The following HMG20A variants were observed in gnomAD, a reference collection of about 807,000 sequenced individuals.
HMG20A encodes the protein high mobility group 20A, also known as high mobility group protein 20A.
Under a neutral mutation model 43.9 loss-of-function variants are expected in HMG20A, and 17 were observed. That is an observed-to-expected ratio of 0.39 (90% CI 0.27 to 0.58). The LOEUF is 0.58. Among genes scored for constraint, HMG20A ranks in the 20% least tolerant of loss-of-function variants. The probability of loss-of-function intolerance (pLI) is 0.59; values close to 1 mark genes in which losing one functional copy is unlikely to be tolerated. For synonymous variants in HMG20A, 132 were observed against 147.5 expected (o/e 0.89, Z 0.76); for missense variants, 341 against 438.2 (o/e 0.78, Z 1.98).
At chr15:77,471,875 A>G in intron 6 of HMG20A, 61 bp downstream of exon 6, 1 of 940,016 alleles carries the variant, frequency 1.1e-6, no homozygotes, top group Admixed American at 2.7e-5. Context: ...GCTTTTTGAA[A>G]TGCTATTGGA....
At chr15:77,422,675 A>G (rs1244256047) in intron 1 of HMG20A, among the ~76,000 whole-genome samples, 2 of 152,186 alleles carry the variant, frequency 1.3e-5, no homozygotes, top group East Asian at 1.9e-4. Flanking sequence ...TATGTTTTAA[A>G]CCAAATATTA....
intron 1 of HMG20A, among the ~76,000 whole-genome samples, chr15:77,423,766 C>T (rs1337545455): frequency 6.6e-6 from 1 of 152,114 alleles, no homozygotes; most frequent in Non-Finnish European, 1.5e-5. Flanking sequence ...TGTTTTGCAA[C>T]TGTTGCTTTC....
the HMG20A span, among the ~76,000 whole-genome samples, chr15:77,496,204 G>A: frequency 6.6e-6 from 1 of 152,152 alleles, no homozygotes; most frequent in Non-Finnish European, 1.5e-5. Flanking sequence ...CCAGTTCATT[G>A]TGTTCTTGGA....
At chr15:77,446,087 A>G (rs551863643) in intron 1 of HMG20A, among the ~76,000 whole-genome samples, 3 of 152,260 alleles carry the variant, frequency 2.0e-5, no homozygotes, top group South Asian at 2.1e-4. Flanking sequence ...TCAAACGTGT[A>G]AGGACCCAGA....
chr15:77,423,823 C>T (rs773424143), intron 1 of HMG20A, among the ~76,000 whole-genome samples: 4 of 151,948 alleles, frequency 2.6e-5, no homozygotes, highest in Non-Finnish European at 5.9e-5. Context: ...TTGTTTTTGC[C>T]GTAGGGTTGA....
chr15:77,509,223 T>TTTCC, the HMG20A span, among the ~76,000 whole-genome samples: 25 of 152,070 alleles, frequency 1.6e-4, no homozygotes, highest in Admixed American at 2.6e-4. Flanking sequence ...GTCACCTTCA[T>TTTCC]TTCCTTCCTT....
intron 8 of HMG20A, among the ~76,000 whole-genome samples, chr15:77,478,853 G>A (rs2072881580): frequency 6.6e-6 from 1 of 152,084 alleles, no homozygotes. Flanking sequence ...AGTTGTTTTT[G>A]TTTTAACGGG....
chr15:77,437,673 G>T (rs1488371043), intron 1 of HMG20A, among the ~76,000 whole-genome samples: 2 of 151,900 alleles, frequency 1.3e-5, no homozygotes, highest in African/African-American at 4.8e-5. Flanking sequence ...CTGGGTTCAA[G>T]CGATTCTCCT....
At chr15:77,428,593 A>G (rs1488125791) in intron 1 of HMG20A, among the ~76,000 whole-genome samples, 1 of 152,198 alleles carries the variant, frequency 6.6e-6, no homozygotes, top group Non-Finnish European at 1.5e-5. Context: ...CGATGTTCCA[A>G]TTCTGGCTTT....
At chr15:77,430,879 C>T (rs1428552099) in intron 1 of HMG20A, among the ~76,000 whole-genome samples, 1 of 152,166 alleles carries the variant, frequency 6.6e-6, no homozygotes, top group Non-Finnish European at 1.5e-5. Context: ...GTCTAACATA[C>T]ATATGACTGG....
At chr15:77,473,938 T>C (rs1478205099) in intron 6 of HMG20A, among the ~76,000 whole-genome samples, 1 of 152,250 alleles carries the variant, frequency 6.6e-6, no homozygotes, top group Admixed American at 6.5e-5. Context: ...CCTTACTTCA[T>C]CCATTTTTAT....
At chr15:77,422,007 A>T (rs775296680) in intron 1 of HMG20A, among the ~76,000 whole-genome samples, 1 of 152,250 alleles carries the variant, frequency 6.6e-6, no homozygotes, top group Non-Finnish European at 1.5e-5. Context: ...CAAAAGGTCA[A>T]TAAGAACTTT....
the HMG20A span, among the ~76,000 whole-genome samples, chr15:77,511,111 C>A: frequency 3.3e-5 from 5 of 152,042 alleles, no homozygotes; most frequent in African/African-American, 1.2e-4. Flanking sequence ...ATAAATATAG[C>A]GCGAAGAGTG....
At chr15:77,433,355 A>T (rs2142279693) in intron 1 of HMG20A, among the ~76,000 whole-genome samples, 1 of 151,950 alleles carries the variant, frequency 6.6e-6, no homozygotes, top group Admixed American at 6.6e-5. Flanking sequence ...AAAAAAAAAA[A>T]AAAAAATTTC....
chr15:77,489,314 A>G (rs1240422422), downstream of HMG20A, among the ~76,000 whole-genome samples: 3 of 152,240 alleles, frequency 2.0e-5, no homozygotes, highest in Non-Finnish European at 2.9e-5. Flanking sequence ...AAATTAAGAC[A>G]CAGATCTGAT....
At chr15:77,461,196 A>G (rs1249890783) in intron 2 of HMG20A, among the ~76,000 whole-genome samples, 1 of 152,088 alleles carries the variant, frequency 6.6e-6, no homozygotes, top group Non-Finnish European at 1.5e-5. Context: ...ATGACACTGG[A>G]TTTAGCATGG....
intron 2 of HMG20A, among the ~76,000 whole-genome samples, chr15:77,459,740 GA>G (rs1168600524): frequency 6.6e-6 from 1 of 152,156 alleles, no homozygotes; most frequent in Non-Finnish European, 1.5e-5. Flanking sequence ...ATAGCAGCAG[GA>G]GAGGCAGTAG....
At chr15:77,470,869 G>A (rs2142347267) in intron 4 of HMG20A, 41 bp from the exon 5 acceptor site, 1 of 1,497,350 alleles carries the variant, frequency 6.7e-7, no homozygotes, top group East Asian at 2.5e-5. Flanking sequence ...ATTTAAATAG[G>A]ATCTCATTTT....
rs1247680249 is a variant in HMG20A at position 77,478,102 on chromosome 15, A to G, written c.692-193A>G. 2.2e-5 allele frequency: 13 copies of G among 599,030 alleles called. No homozygotes were observed. In the South Asian group the frequency reaches 2.6e-4, roughly 12 times the overall value. The allele number at this position is 599,030 out of a possible 1,614,324, so 37.1% of individuals were successfully genotyped here. ...TGTATGGAATGTGACTAGCTTTAAG[A>G]ATTAAAATAGCTCTGGGGAGTCAGG... is the stretch of plus-strand genomic sequence containing the variant. On this transcript the variant is annotated intron_variant, in intron 7 of 9. Transcript: ENST00000336216.
Sources: gnomAD v4.1 joint callset for allele counts (sites outside exome capture counted in the v4.1 genomes callset) on GRCh38, gnomAD v4.1.1 for gene constraint, MANE v1.5 for transcripts, NCBI Gene and HGNC (gene_info 2026-07-23, HGNC 2026-07-21) for gene names.